PDK2: variants seen among roughly 807,000 people sequenced by gnomAD.
The protein encoded by PDK2 is pyruvate dehydrogenase kinase, isozyme 2.
A neutral mutation model predicts 50.4 loss-of-function variants in PDK2; 34 were observed. The ratio of observed to expected loss-of-function variants is 0.68; its 90% CI spans 0.51 to 0.90. The LOEUF is 0.90. Among genes scored for constraint, PDK2 ranks in the 40% least tolerant of loss-of-function variants. PDK2 has a pLI of 0.00. For missense variants in PDK2, 377 were observed against 544.5 expected (o/e 0.69, Z 3.06); for synonymous variants, 232 against 216.0 (o/e 1.07, Z -0.65).
At chr17:50,103,538 C>T (rs1377174976) in intron 2 of PDK2, among the ~76,000 whole-genome samples, 1 of 152,198 alleles carries the variant, frequency 6.6e-6, no homozygotes, top group African/African-American at 2.4e-5. Context: ...CACCACAAAG[C>T]AGTCATAAAT....
At chr17:50,096,214 G>A in intron 1 of PDK2, 1 of 985,512 alleles carries the variant, frequency 1.0e-6, no homozygotes, top group Non-Finnish European at 1.2e-6. Context: ...CTCCCCAGCT[G>A]GGCAGGGGCC....
intron 2 of PDK2, among the ~76,000 whole-genome samples, chr17:50,104,722 C>T (rs900008069): frequency 3.3e-5 from 5 of 152,234 alleles, no homozygotes; most frequent in Admixed American, 6.5e-5. Context: ...TGGGCCCCAG[C>T]CCCACCTGGG....
chr17:50,097,518 CCCGA>C lies in PDK2; in HGVS notation c.219_222del (p.Asp73GlufsTer3). On this transcript the variant is annotated frameshift_variant, in exon 2 of 11. Coordinates refer to ENST00000503176, the MANE Select transcript of PDK2 (RefSeq NM_002611.5). LOFTEE classifies it high-confidence loss of function. ...CATCATGAAAGAGATCAACCTGCTT[CCCGA>C]CCGAGTGCTGAGCACACCCTCCGTG... 1 of 1,613,884 alleles carries C rather than the reference CCCGA, an allele frequency of 6.2e-7. No individual in the cohort carries two copies. Among genetic ancestry groups the C allele is most frequent in the South Asian group, 1.1e-5 (1 of 91,080 alleles).
At position 50,108,775 on chromosome 17, in the gene PDK2, C is replaced by T. The variant is rs372828268; in HGVS notation, c.969+56C>T. 3.3e-6 allele frequency: 3 copies of T among 919,204 alleles called. No individual in the cohort carries two copies. In the East Asian group the frequency reaches 8.2e-5, roughly 25 times the overall value. 56.9% of individuals were successfully genotyped at this position (919,204 alleles called of 1,614,324 possible). A position where few individuals can be genotyped will look rare whatever the true frequency, so the allele number is the denominator to read the frequency against. On this transcript the variant is annotated intron_variant, in intron 9 of 10. Coordinates refer to ENST00000503176, the MANE Select transcript of PDK2 (RefSeq NM_002611.5). The stretch of plus-strand genomic sequence containing the variant: ...CTCCTGAGGGAGGCTTCTCTCCTCA[C>T]TCACTTCCTTATCTCCCTGCTCACT...
intron 6 of PDK2, 61 bp downstream of exon 6, chr17:50,107,214 G>A: frequency 7.8e-7 from 1 of 1,276,460 alleles, no homozygotes; most frequent in South Asian, 1.2e-5. Context: ...AGGGCAAGGT[G>A]AGACGGGGAG....
chr17:50,103,465 G>A (rs1383415942), intron 2 of PDK2, among the ~76,000 whole-genome samples: 1 of 152,238 alleles, frequency 6.6e-6, no homozygotes, highest in Non-Finnish European at 1.5e-5. Flanking sequence ...GCCATAATAA[G>A]AGCAAGCATT....
At position 50,109,975 on chromosome 17, in the gene PDK2, G is replaced by A; in HGVS notation, c.1102G>A (p.Val368Met). 9 of 1,578,912 alleles carry A rather than the reference G, an allele frequency of 5.7e-6. No homozygotes were observed. Among genetic ancestry groups the A allele is most frequent in the Non-Finnish European group, 7.7e-6 (9 of 1,162,134 alleles). ...TCCCCAGGCCCTGTCCACGGACTCG[G>A]TGGAGCGCCTGCCTGTCTACAACAA... ...IYLKALSTDS[V>M]ERLPVYNKSA... The change falls in exon 11 of 11, where the codon GTG (valine) becomes ATG (methionine). Residue 368 changes from valine (V) to methionine (M), a missense_variant. By Grantham distance (21) the Val-to-Met change is conservative (BLOSUM62 1). Transcript: ENST00000503176. This position sits in a 1 kb window ranked among gnomAD's most constrained non-coding sequence, Gnocchi z 5.0.
Position 50,108,182 on chromosome 17 carries a change from A to G in PDK2, c.712A>G (p.Met238Val). 8 of 1,597,312 alleles carry G rather than the reference A, an allele frequency of 5.0e-6. No individual in the cohort carries two copies. Among genetic ancestry groups the G allele is most frequent in the Non-Finnish European group, 6.8e-6 (8 of 1,170,578 alleles). The stretch of plus-strand genomic sequence containing the variant: ...AGCCAACTCCAAACAGCCGATTCAC[A>G]TGGTCTACGTCCCCTCCCACCTCTA... ...NAANSKQPIH[M>V]VYVPSHLYHM... Residue 238 changes from methionine (M) to valine (V), a missense_variant, in exon 7 of 11, where the codon ATG (methionine) becomes GTG (valine). Around this residue, in one of 3 missense-constraint regions of PDK2, gnomAD observed 214 missense variants for 294.0 expected, o/e 0.73. Transcript: ENST00000503176.
intron 2 of PDK2, among the ~76,000 whole-genome samples, chr17:50,100,371 C>T (rs1598208841): frequency 6.6e-6 from 1 of 152,154 alleles, no homozygotes; most frequent in Admixed American, 6.5e-5. Flanking sequence ...CAGGTTTGGC[C>T]TCAGCATGTG....
At chr17:50,104,854 C>T (rs1048777953) in intron 2 of PDK2, among the ~76,000 whole-genome samples, 1 of 152,226 alleles carries the variant, frequency 6.6e-6, no homozygotes, top group African/African-American at 2.4e-5. Flanking sequence ...TGGGAGGCCC[C>T]GTGCTGTCTC....
intron 1 of PDK2, chr17:50,095,790 C>T (rs1909905908): frequency 1.5e-6 from 2 of 1,361,440 alleles, no homozygotes; most frequent in South Asian, 3.3e-5. Context: ...TCTTCGTGGG[C>T]CTCATGAAGG....
rs1317362436 is a variant in PDK2, at chr17:50,101,662, A to T, written c.261-3709A>T. 6.6e-6 allele frequency among the ~76,000 whole-genome samples: 1 copy of T among 152,054 alleles called. No homozygotes were observed. Among genetic ancestry groups the T allele is most frequent in the Non-Finnish European group, 1.5e-5 (1 of 67,954 alleles). On this transcript the variant is annotated intron_variant, in intron 2 of 10. Coordinates refer to ENST00000503176, the MANE Select transcript of PDK2 (RefSeq NM_002611.5). This position sits in a 1 kb window ranked among gnomAD's most constrained non-coding sequence, Gnocchi z 4.2. ...CTGGCTCAGCACCCCCTCTGCTCCC[A>T]CACAGGGCTGCAGGGCCCTCCTCCC...
intron 2 of PDK2, among the ~76,000 whole-genome samples, chr17:50,100,299 A>G (rs1338189414): frequency 6.6e-6 from 1 of 152,206 alleles, no homozygotes; most frequent in African/African-American, 2.4e-5. Flanking sequence ...ATACATTTCA[A>G]CTGGACAGAC....
chr17:50,097,009 T>C (rs1909984728), intron 1 of PDK2, among the ~76,000 whole-genome samples: 1 of 152,212 alleles, frequency 6.6e-6, no homozygotes, highest in South Asian at 2.1e-4. Flanking sequence ...AGTGGTGGTC[T>C]AGCCATAGCC....
At position 50,111,173 on chromosome 17, in the gene PDK2, G is replaced by A. The variant is rs1910818299; in HGVS notation, c.*1076G>A. On this transcript the variant is annotated 3_prime_UTR_variant, in exon 11 of 11. Coordinates refer to ENST00000503176, the MANE Select transcript of PDK2 (RefSeq NM_002611.5). Reference sequence around the variant, plus strand: ...ACCGGGGACGTCCGGCCCAGCTCAGGACTGTGAGTAAAACACTGGGCAAAG... The same window carrying A: ...ACCGGGGACGTCCGGCCCAGCTCAGAACTGTGAGTAAAACACTGGGCAAAG... 6.6e-6 allele frequency: 1 copy of A among 152,326 alleles called. No homozygotes were observed. 9.4% of individuals were successfully genotyped at this position (152,326 alleles called of 1,614,324 possible). A position where few individuals can be genotyped will look rare whatever the true frequency, so the allele number is the denominator to read the frequency against.
intron 2 of PDK2, chr17:50,098,330 AG>A (rs1385525948): frequency 6.6e-6 from 1 of 152,174 alleles, no homozygotes; most frequent in Non-Finnish European, 1.5e-5. Context: ...CTGTAGACTG[AG>A]GAGCACGTGC....
chr17:50,108,441 G>A (rs1351806626), intron 8 of PDK2, 24 bp downstream of exon 8: 1 of 1,581,922 alleles, frequency 6.3e-7, no homozygotes, highest in East Asian at 2.2e-5. Flanking sequence ...TGACCTTGGG[G>A]ACCAGGGAGC....
chr17:50,107,858 G>A, intron 6 of PDK2: 1 of 433,520 alleles, frequency 2.3e-6, no homozygotes, highest in Middle Eastern at 6.6e-4. Flanking sequence ...GCTTACTTAA[G>A]AGGGAGGTTT....
chr17:50,101,706 C>T lies in PDK2; in HGVS notation c.261-3665C>T, dbSNP rs965790883. The T allele has an allele frequency of 6.6e-6, 1 of 152,436 alleles. No homozygotes were observed. The highest frequency in any genetic ancestry group is 1.5e-5 in the Non-Finnish European group (1 of 68,166). 9.4% of individuals were successfully genotyped at this position (152,436 alleles called of 1,614,324 possible). On this transcript the variant is annotated intron_variant, in intron 2 of 10. Transcript: ENST00000503176. This position sits in a 1 kb window ranked among gnomAD's most constrained non-coding sequence, Gnocchi z 4.2. ...TCCTCCCACTCACTCACCCTCTCCTCCCGCCCCCACCGCCCATTATCAGCC... is the reference window on the plus strand; with the variant it reads ...TCCTCCCACTCACTCACCCTCTCCTTCCGCCCCCACCGCCCATTATCAGCC...
Sources: allele counts gnomAD v4.1 joint callset (sites outside exome capture counted in the v4.1 genomes callset), GRCh38; gene constraint gnomAD v4.1.1; regional missense constraint gnomAD v4.1.1; non-coding constraint Gnocchi (gnomAD v3.1); transcripts MANE v1.5; gene names NCBI Gene and HGNC (gene_info 2026-07-23, HGNC 2026-07-21).